The following INPP4A variants were observed in gnomAD, a reference collection of about 807,000 sequenced individuals.
INPP4A encodes the protein inositol polyphosphate-4-phosphatase type I A.
In INPP4A, 33 loss-of-function variants were observed where a neutral mutation model predicts 119.8. That is an observed-to-expected ratio of 0.28 (90% CI 0.21 to 0.37). The LOEUF is 0.37. Ranked by LOEUF, INPP4A falls within the 10% of genes least tolerant of loss-of-function variation. The pLI is 1.00. For missense variants in INPP4A, 956 were observed against 1,289.9 expected (o/e 0.74, Z 3.97); for synonymous variants, 496 against 500.7 (o/e 0.99, Z 0.12).
At chr2:98,504,976 A>G (rs1683776262) in intron 1 of INPP4A, among the ~76,000 whole-genome samples, 1 of 152,196 alleles carries the variant, frequency 6.6e-6, no homozygotes, top group Non-Finnish European at 1.5e-5. Context: ...ATTCTGCATC[A>G]TGTGATTGAG....
intron 1 of INPP4A, among the ~76,000 whole-genome samples, chr2:98,499,864 G>A (rs975487741): frequency 6.6e-6 from 1 of 152,200 alleles, no homozygotes; most frequent in Non-Finnish European, 1.5e-5. Context: ...ACGGCCTTCA[G>A]TGATGGTAGG....
intron 24 of INPP4A, among the ~76,000 whole-genome samples, chr2:98,582,638 A>T (rs1293429558): frequency 2.0e-5 from 3 of 149,698 alleles, no homozygotes; most frequent in African/African-American, 7.5e-5. Flanking sequence ...AGACACAGAA[A>T]GATCACCTGC....
chr2:98,509,007 G>A (rs17032847), intron 1 of INPP4A, among the ~76,000 whole-genome samples: 2,349 of 152,304 alleles, frequency 0.015, 66 homozygotes, highest in African/African-American at 0.054. Context: ...GGGTGCCGCT[G>A]CCTGGAAAGG....
At chr2:98,506,638 C>G (rs968693411) in intron 1 of INPP4A, among the ~76,000 whole-genome samples, 1 of 152,232 alleles carries the variant, frequency 6.6e-6, no homozygotes, top group Non-Finnish European at 1.5e-5. Flanking sequence ...CTCTCTTGAC[C>G]CTCTTCTGTG....
rs897713853 is a variant in INPP4A, at chr2:98,566,955, G to A, written c.2420+786G>A. Reference sequence around the variant, plus strand: ...AATTTGGTTTCCAGAACAATATGCCGTGTTCCTGCTGGGCCTTCTGATGTC... The same window carrying A: ...AATTTGGTTTCCAGAACAATATGCCATGTTCCTGCTGGGCCTTCTGATGTC... On this transcript the variant is annotated intron_variant, in intron 21 of 24. Transcript: ENST00000409851. The surrounding 1 kb of genome is among the most constrained non-coding windows in gnomAD (Gnocchi z 4.2). Among the ~76,000 whole-genome samples the A allele has an allele frequency of 3.9e-5, 6 of 152,162 alleles. No individual in the cohort carries two copies. Among genetic ancestry groups the A allele is most frequent in the South Asian group, 2.1e-4 (1 of 4,826 alleles).
chr2:98,523,653 C>G (rs1045465942), intron 4 of INPP4A, among the ~76,000 whole-genome samples: 2 of 152,202 alleles, frequency 1.3e-5, no homozygotes, highest in Non-Finnish European at 2.9e-5. Context: ...CTCGGCCTCC[C>G]AAAGTGCTGG....
At chr2:98,560,817 C>G (rs1007400207) in intron 17 of INPP4A, among the ~76,000 whole-genome samples, 1 of 152,232 alleles carries the variant, frequency 6.6e-6, no homozygotes, top group Admixed American at 6.5e-5. Flanking sequence ...TCTGCCCCCA[C>G]AGAAGCTCAG....
chr2:98,533,362 G>C lies in INPP4A; in HGVS notation c.152-15G>C. On this transcript the variant is annotated splice_polypyrimidine_tract_variant and intron_variant, in intron 4 of 24. Transcript: ENST00000409851. ...GTTTTAAAGGATTCATTTCTTTCCC[G>C]TGTTGATTCTGTAGCTTGCAGTGAG... 1 of 1,538,160 alleles carries C rather than the reference G, an allele frequency of 6.5e-7. No homozygotes were observed. Among genetic ancestry groups the C allele is most frequent in the South Asian group, 1.1e-5 (1 of 89,546 alleles).
intron 13 of INPP4A, among the ~76,000 whole-genome samples, chr2:98,550,695 A>G (rs554315808): frequency 6.6e-6 from 1 of 152,230 alleles, no homozygotes; most frequent in South Asian, 2.1e-4. Flanking sequence ...TTTCCTCATC[A>G]TCCTAAACAG....
chr2:98,488,104 G>A (rs1190457737), intron 1 of INPP4A, among the ~76,000 whole-genome samples: 1 of 152,126 alleles, frequency 6.6e-6, no homozygotes, highest in African/African-American at 2.4e-5. Flanking sequence ...GGCCACTGGG[G>A]GCTCTTTCAG....
chr2:98,473,124 AGT>A (rs1676418834), intron 1 of INPP4A, among the ~76,000 whole-genome samples: 1 of 148,708 alleles, frequency 6.7e-6, no homozygotes, highest in South Asian at 2.2e-4. Flanking sequence ...TGAGGAGGGC[AGT>A]GTGGGTGCAG....
chr2:98,491,193 C>T (rs1320651944), intron 1 of INPP4A, among the ~76,000 whole-genome samples: 2 of 152,168 alleles, frequency 1.3e-5, no homozygotes, highest in Non-Finnish European at 2.9e-5. Context: ...ATTTTCACAT[C>T]GTGGGTAGTA....
intron 1 of INPP4A, among the ~76,000 whole-genome samples, chr2:98,502,262 T>C (rs1363813805): frequency 6.6e-6 from 1 of 152,192 alleles, no homozygotes; most frequent in South Asian, 2.1e-4. Context: ...CTGGTTTGCA[T>C]GTACAGAGGC....
chr2:98,483,057 G>T (rs931405253), intron 1 of INPP4A, among the ~76,000 whole-genome samples: 1 of 152,122 alleles, frequency 6.6e-6, no homozygotes, highest in Admixed American at 6.5e-5. Context: ...TCAGATAAGG[G>T]ATACTCAACC....
In INPP4A at chr2:98,587,680, C is replaced by T. The variant is rs1223006182; in HGVS notation, c.*72C>T. The T allele has an allele frequency of 6.9e-6, 8 of 1,160,022 alleles. No homozygotes were observed. The Middle Eastern group carries it at 8.0e-4, about 117-fold the overall frequency. The allele number at this position is 1,160,022 out of a possible 1,614,324, so 71.9% of individuals were successfully genotyped here. A position where few individuals can be genotyped will look rare whatever the true frequency, so the allele number is the denominator to read the frequency against. ...CCTCTAGTGTCATATATGAATTCTT[C>T]AAGAAGACCTGAAGGATTGGTTTTT... On this transcript the variant is annotated 3_prime_UTR_variant, in exon 25 of 25. Coordinates refer to ENST00000409851, the MANE Select transcript of INPP4A (RefSeq NM_001134225.2).
rs182395085 is a variant in INPP4A, at chr2:98,561,978, G to A, written c.1856-1487G>A. 2.7e-3 allele frequency among the ~76,000 whole-genome samples: 404 copies of A among 152,260 alleles called. 4 individuals are homozygous for A. Among genetic ancestry groups the A allele is most frequent in the African/African-American group, 9.3e-3 (385 of 41,552 alleles). ...GAACTTTAGTGGAGGAAAGAGACTC[G>A]GACATTATCTAGTGCCTCTCTCTCA... is the stretch of plus-strand genomic sequence containing the variant. On this transcript the variant is annotated intron_variant, in intron 17 of 24. Coordinates refer to ENST00000409851, the MANE Select transcript of INPP4A (RefSeq NM_001134225.2).
At chr2:98,469,263 C>T (rs1675461478) in intron 1 of INPP4A, among the ~76,000 whole-genome samples, 1 of 152,114 alleles carries the variant, frequency 6.6e-6, no homozygotes, top group East Asian at 1.9e-4. Flanking sequence ...CTTTGGGAGG[C>T]CGAGGTGGGT....
chr2:98,549,199 C>T (rs1258799326), intron 13 of INPP4A, among the ~76,000 whole-genome samples: 5 of 151,576 alleles, frequency 3.3e-5, no homozygotes, highest in East Asian at 1.9e-4. Context: ...TGGGTGTTGT[C>T]GTACTCACTC....
At chr2:98,545,144 A>G (rs1013601759) in intron 11 of INPP4A, among the ~76,000 whole-genome samples, 1 of 152,056 alleles carries the variant, frequency 6.6e-6, no homozygotes, top group African/African-American at 2.4e-5. Context: ...GGCCATAGAG[A>G]GCAGTCTCCT....
Sources: allele counts gnomAD v4.1 joint callset (sites outside exome capture counted in the v4.1 genomes callset), GRCh38; gene constraint gnomAD v4.1.1; non-coding constraint Gnocchi (gnomAD v3.1); transcripts MANE v1.5; gene names NCBI Gene and HGNC (gene_info 2026-07-23, HGNC 2026-07-21).